Variants in HERC1 observed in about 807,000 individuals in gnomAD.
The protein encoded by HERC1 is HECT and RLD domain containing E3 ubiquitin protein ligase family member 1, also known as probable E3 ubiquitin-protein ligase HERC1.
In HERC1, 160 loss-of-function variants were observed where a neutral mutation model predicts 554.3. That is an observed-to-expected ratio of 0.29 (90% CI 0.25 to 0.33). HERC1 has a LOEUF of 0.33. HERC1 is among the 10% of genes least tolerant of loss of function. HERC1 has a pLI of 1.00. For missense variants in HERC1, 4,919 were observed against 5,918.5 expected (o/e 0.83, Z 5.54); for synonymous variants, 2,175 against 2,131.7 (o/e 1.02, Z -0.56).
In HERC1 at chr15:63,663,115, A is replaced by T. The variant is rs1474386990; in HGVS notation, c.8770T>A (p.Phe2924Ile). The T allele has an allele frequency of 6.8e-6, 11 of 1,613,890 alleles. No individual in the cohort carries two copies. In the Admixed American group the frequency reaches 1.7e-4, roughly 24 times the overall value. Residue 2924 changes from phenylalanine to isoleucine, a missense_variant, in exon 44 of 78, where the codon TTT becomes ATT. Physicochemically the swap from Phe to Ile is conservative, Grantham distance 21. This residue lies in a region of HERC1 where 1,963 missense variants were observed against 2,228.6 expected (regional missense o/e 0.88). Transcript: ENST00000443617. ...ATTTCCAATTCCTCATCTAAATTAA[A>T]GTCATACAACGCCCCTGGGTCTTGC... ...LQQDPGALYD[F>I]NLDEELEIDL... is the part of the protein sequence containing the mutation.
intron 25 of HERC1, 67 bp from the exon 26 acceptor site, chr15:63,699,063 A>G: frequency 7.2e-7 from 1 of 1,389,378 alleles, no homozygotes; most frequent in Non-Finnish European, 9.9e-7. Context: ...GAAACTAGAT[A>G]AGGCTGAGTG....
chr15:63,762,993 C>A (rs567564538), intron 3 of HERC1, among the ~76,000 whole-genome samples: 3 of 152,146 alleles, frequency 2.0e-5, no homozygotes, highest in East Asian at 1.9e-4. Context: ...GTAGACCATG[C>A]GCCTGCCCTT....
At chr15:63,782,146 G>C (rs554860457) in intron 1 of HERC1, among the ~76,000 whole-genome samples, 1 of 152,340 alleles carries the variant, frequency 6.6e-6, no homozygotes, top group South Asian at 2.1e-4. Context: ...TAAGGTAACT[G>C]ATGAAAGTAG....
At chr15:63,632,246 C>T (rs1172001853) in intron 68 of HERC1, 8 of 179,640 alleles carry the variant, frequency 4.5e-5, no homozygotes, top group Admixed American at 1.2e-4. Flanking sequence ...AACAACTACC[C>T]TTGCCAAGAA....
chr15:63,813,897 A>G (rs2077409153), intron 1 of HERC1, among the ~76,000 whole-genome samples: 1 of 152,140 alleles, frequency 6.6e-6, no homozygotes, highest in Admixed American at 6.5e-5. Context: ...CGTCTCTACA[A>G]AAAATGCAAA....
intron 19 of HERC1, among the ~76,000 whole-genome samples, chr15:63,721,789 A>G (rs1480294354): frequency 6.6e-6 from 1 of 152,224 alleles, no homozygotes; most frequent in Non-Finnish European, 1.5e-5. Context: ...ATCATCGTTA[A>G]AAAAACAAAG....
At chr15:63,768,964 G>A (rs962867758) in intron 2 of HERC1, among the ~76,000 whole-genome samples, 1 of 152,048 alleles carries the variant, frequency 6.6e-6, no homozygotes, top group Non-Finnish European at 1.5e-5. Flanking sequence ...AAAATACTGG[G>A]AGCCTTTAAT....
Position 63,636,096 on chromosome 15 carries a change from G to A in HERC1, c.12279C>T (p.His4093=), listed in dbSNP as rs2068765959. The A allele has an allele frequency of 1.9e-6, 3 of 1,613,744 alleles. No homozygotes were observed. The highest frequency in any genetic ancestry group is 2.5e-6 in the Non-Finnish European group (3 of 1,179,838). Residue 4093 remains histidine, a synonymous_variant, in exon 65 of 78, where the codon CAC becomes CAT. Transcript: ENST00000443617. ...QLVTSCGSDG[H]SMALTESGEV... ...CACCACTTTCAGTTAGGGCCATAGAGTGCCCATCAGAACCACAGGAAGTCA... is the reference window on the plus strand; with the variant it reads ...CACCACTTTCAGTTAGGGCCATAGAATGCCCATCAGAACCACAGGAAGTCA...
rs910425228 is a variant in HERC1, at chr15:63,758,531, T to C, written c.1027-162A>G. On this transcript the variant is annotated intron_variant, in intron 3 of 77. Coordinates refer to ENST00000443617, the MANE Select transcript of HERC1 (RefSeq NM_003922.4). The surrounding 1 kb of genome is among the most constrained non-coding windows in gnomAD (Gnocchi z 4.0). ...AACTAGACTATTTACTCATATGGAA[T>C]AAACCACTAAAAGACGCTAATGAAG... Among the ~76,000 whole-genome samples, 1 of 152,114 alleles carries C rather than the reference T, an allele frequency of 6.6e-6. No homozygotes were observed. Among genetic ancestry groups the C allele is most frequent in the African/African-American group, 2.4e-5 (1 of 41,414 alleles).
chr15:63,648,853 T>G (rs2069495964), intron 54 of HERC1, among the ~76,000 whole-genome samples: 1 of 152,164 alleles, frequency 6.6e-6, no homozygotes. Flanking sequence ...ACAAACCTCT[T>G]CTGTTAATGG....
intron 66 of HERC1, 22 bp from the exon 67 acceptor site, chr15:63,633,992 G>A (rs757253228): frequency 1.8e-5 from 29 of 1,613,074 alleles, no homozygotes; most frequent in East Asian, 8.9e-5. Flanking sequence ...ACAGCATTCC[G>A]TAAGGCAAAT....
intron 3 of HERC1, among the ~76,000 whole-genome samples, chr15:63,763,147 C>G (rs1256071426): frequency 6.6e-6 from 1 of 152,168 alleles, no homozygotes; most frequent in East Asian, 1.9e-4. Flanking sequence ...GTCTTTTTCT[C>G]AATCCTTTGA....
Position 63,775,320 on chromosome 15 carries a change from C to T in HERC1, c.304G>A (p.Ala102Thr), listed in dbSNP as rs1310863176. 2.5e-6 allele frequency: 4 copies of T among 1,613,866 alleles called. No individual in the cohort carries two copies. Among genetic ancestry groups the T allele is most frequent in the African/African-American group, 1.3e-5 (1 of 74,930 alleles). The change falls in exon 2 of 78, where the codon GCA (alanine) becomes ACA (threonine). Residue 102 changes from alanine (A) to threonine (T), a missense_variant. Around this residue, in one of 11 missense-constraint regions of HERC1, gnomAD observed 744 missense variants for 1,090.0 expected, o/e 0.68. Transcript: ENST00000443617. The surrounding 1 kb of genome is among the most constrained non-coding windows in gnomAD (Gnocchi z 4.0). ...AGTACAAGCAGTCGTTTTCTAAGTG[C>T]CCCGGCAAATGGGGAATCTGAACAT... ...MVCSDSPFAG[A>T]LRKRLLVLQR... is the part of the protein sequence containing the mutation.
intron 1 of HERC1, among the ~76,000 whole-genome samples, chr15:63,826,814 A>AATATATATATATATATATATATATAT: frequency 1.2e-3 from 27 of 22,216 alleles, no homozygotes; most frequent in Non-Finnish European, 1.5e-3. Context: ...AAAAAAAAAA[A>AATATATATATATATATATATATATAT]ATATATATAT....
At chr15:63,745,226 C>T (rs977230517) in intron 12 of HERC1, among the ~76,000 whole-genome samples, 6 of 152,082 alleles carry the variant, frequency 3.9e-5, no homozygotes, top group African/African-American at 7.2e-5. Flanking sequence ...GTCGGGGAGG[C>T]GGGGGGTGAG....
chr15:63,644,353 C>T (rs981679770), intron 57 of HERC1, among the ~76,000 whole-genome samples: 2 of 152,124 alleles, frequency 1.3e-5, no homozygotes, highest in African/African-American at 4.8e-5. Flanking sequence ...AAGTTAGGTG[C>T]CAATGTTTAA....
chr15:63,678,269 T>C lies in HERC1; in HGVS notation c.6646A>G (p.Thr2216Ala). Reference sequence around the variant, plus strand: ...TGAAGGATACGGATGAGCTGAATAGTGGCCTCAGCCAGCACTGCTGCTACT... The same window carrying C: ...TGAAGGATACGGATGAGCTGAATAGCGGCCTCAGCCAGCACTGCTGCTACT... ...SPVAAVLAEATIQLIRILHRT... is the reference protein window; with the variant it reads ...SPVAAVLAEAAIQLIRILHRT... The change falls in exon 37 of 78, where the codon ACT becomes GCT. Residue 2216 changes from threonine to alanine, a missense_variant. By Grantham distance (58) the Thr-to-Ala change is moderately conservative (BLOSUM62 0). Transcript: ENST00000443617. The C allele has an allele frequency of 6.2e-7, 1 of 1,613,842 alleles. No homozygotes were observed. Among genetic ancestry groups the C allele is most frequent in the Non-Finnish European group, 8.5e-7 (1 of 1,179,846 alleles).
At chr15:63,632,947 A>G in intron 67 of HERC1, 136 bp from the exon 68 acceptor site, 1 of 631,514 alleles carries the variant, frequency 1.6e-6, no homozygotes, top group Non-Finnish European at 2.8e-6. Flanking sequence ...CCAAATCCAA[A>G]CCTGAAATGT....
chr15:63,680,466 G>T lies in HERC1; in HGVS notation c.6465+71C>A. ...AGATAATCTATAAACTGAATACGTG[G>T]CACTTGAATAACCGAGTTGACTATA... On this transcript the variant is annotated intron_variant, in intron 35 of 77. Transcript: ENST00000443617. The surrounding 1 kb of genome is among the most constrained non-coding windows in gnomAD (Gnocchi z 5.8). 1 of 1,490,734 alleles carries T rather than the reference G, an allele frequency of 6.7e-7. No homozygotes were observed. Among genetic ancestry groups the T allele is most frequent in the Non-Finnish European group, 9.1e-7 (1 of 1,096,576 alleles). 92.3% of individuals were successfully genotyped at this position (1,490,734 alleles called of 1,614,324 possible). A position where few individuals can be genotyped will look rare whatever the true frequency, so the allele number is the denominator to read the frequency against.
Sources: allele counts gnomAD v4.1 joint callset (sites outside exome capture counted in the v4.1 genomes callset), GRCh38; gene constraint gnomAD v4.1.1; regional missense constraint gnomAD v4.1.1; non-coding constraint Gnocchi (gnomAD v3.1); transcripts MANE v1.5; gene names NCBI Gene and HGNC (gene_info 2026-07-23, HGNC 2026-07-21).